VCAN: variants seen among roughly 807,000 people sequenced by gnomAD.
VCAN encodes the protein versican core protein.
A neutral mutation model predicts 245.5 loss-of-function variants in VCAN; 44 were observed. The observed-to-expected ratio is 0.18, with a 90% CI of 0.14 to 0.23. VCAN has a LOEUF of 0.23. Ranked by LOEUF, VCAN falls within the 10% of genes least tolerant of loss-of-function variation. The pLI is 1.00. For missense variants in VCAN, 3,793 were observed against 4,057.9 expected, an observed-to-expected ratio of 0.93 and a Z score of 1.77; for synonymous variants, 1,413 against 1,437.0, an observed-to-expected ratio of 0.98 and a Z score of 0.38.
intron 5 of VCAN, among the ~76,000 whole-genome samples, chr5:83,501,939 T>C (rs988801873): frequency 6.6e-6 from 1 of 152,202 alleles, no homozygotes; most frequent in African/African-American, 2.4e-5. Flanking sequence ...GTCTTTCTGC[T>C]ATTTTTTAGA....
chr5:83,513,490 A>G (rs948145816), intron 6 of VCAN, among the ~76,000 whole-genome samples: 1 of 152,214 alleles, frequency 6.6e-6, no homozygotes, highest in Non-Finnish European at 1.5e-5. Flanking sequence ...TAATGCAACC[A>G]AAAGGTTTGT....
intron 5 of VCAN, among the ~76,000 whole-genome samples, chr5:83,500,732 T>C (rs553124694): frequency 2.8e-4 from 43 of 152,266 alleles, no homozygotes; most frequent in African/African-American, 1.0e-3. Context: ...GCCAAGAAGA[T>C]AAAAAGTACC....
intron 6 of VCAN, chr5:83,512,838 G>GGT (rs1309224413): frequency 1.9e-5 from 3 of 157,094 alleles, no homozygotes; most frequent in Non-Finnish European, 4.2e-5. Flanking sequence ...AGTAATTACA[G>GGT]GTGAGTATTT....
chr5:83,521,481 G>T lies in VCAN; in HGVS notation c.3175G>T (p.Ala1059Ser). 6.2e-7 allele frequency: 1 copy of T among 1,614,066 alleles called. No individual in the cohort carries two copies. The highest frequency in any genetic ancestry group is 2.2e-5 in the East Asian group (1 of 44,872). The stretch of plus-strand genomic sequence containing the variant: ...TTCTACAGCTTGGACTCCCAAGGAG[G>T]CAGTAACACCACTGGATGAACAAGA... The part of the protein sequence containing the change: ...LSSTAWTPKE[A>S]VTPLDEQEGD... The change falls in exon 7 of 15, where the codon GCA becomes TCA. Residue 1059 changes from alanine (A) to serine (S), a missense_variant. Physicochemically the swap from Ala to Ser is moderately conservative, Grantham distance 99. Coordinates refer to ENST00000265077, the MANE Select transcript of VCAN (RefSeq NM_004385.5).
chr5:83,549,197 G>A (rs781160736), intron 10 of VCAN, among the ~76,000 whole-genome samples: 3 of 152,186 alleles, frequency 2.0e-5, no homozygotes, highest in Non-Finnish European at 4.4e-5. Context: ...AGTACAAGAA[G>A]CAATTCAAAA....
intron 13 of VCAN, among the ~76,000 whole-genome samples, chr5:83,577,755 A>G (rs1748534797): frequency 1.3e-5 from 2 of 152,176 alleles, no homozygotes. Context: ...TTATTTCTGT[A>G]TGAATACACA....
chr5:83,554,078 CTT>C (rs1747572725), intron 11 of VCAN, among the ~76,000 whole-genome samples: 1 of 152,200 alleles, frequency 6.6e-6, no homozygotes, highest in East Asian at 1.9e-4. Flanking sequence ...GCTAATGAAA[CTT>C]AATATCAGAG....
chr5:83,530,184 G>T lies in VCAN; in HGVS notation c.4004-6823G>T, dbSNP rs1273982032. On this transcript the variant is annotated intron_variant, in intron 7 of 14. Coordinates refer to ENST00000265077, the MANE Select transcript of VCAN (RefSeq NM_004385.5). Reference sequence around the variant, plus strand: ...TTTATTAGCTTTTTGCTTTTCCTCAGTTGTGAAAGTTGGGCTTATGATTTT... The same window carrying T: ...TTTATTAGCTTTTTGCTTTTCCTCATTTGTGAAAGTTGGGCTTATGATTTT... Among the ~76,000 whole-genome samples the T allele has an allele frequency of 7.9e-5, 12 of 152,010 alleles. 1 individual carries two copies. Among genetic ancestry groups the T allele is most frequent in the Admixed American group, 7.9e-4 (12 of 15,236 alleles).
chr5:83,537,490 G>A lies in VCAN; in HGVS notation c.4487G>A (p.Gly1496Asp), dbSNP rs374265946. The A allele has an allele frequency of 1.2e-6, 2 of 1,613,794 alleles. No homozygotes were observed. Among genetic ancestry groups the A allele is most frequent in the Non-Finnish European group, 1.7e-6 (2 of 1,179,948 alleles). ...YPETSEHFSG[G>D]EPDVFPTVPF... ...GAAACATCAGAACATTTTTCAGGTG[G>A]TGAGCCTGATGTTTTCCCCACAGTC... The change falls in exon 8 of 15, where the codon GGT (glycine) becomes GAT (aspartate). Residue 1496 changes from glycine to aspartate, a missense_variant. Physicochemically the swap from Gly to Asp is moderately conservative, Grantham distance 94 (BLOSUM62 -1). Coordinates refer to ENST00000265077, the MANE Select transcript of VCAN (RefSeq NM_004385.5).
chr5:83,511,965 C>A, intron 5 of VCAN, 138 bp from the exon 6 acceptor site: 1 of 1,047,196 alleles, frequency 9.5e-7, no homozygotes, highest in Non-Finnish European at 1.4e-6. Flanking sequence ...ATCTTTTCTG[C>A]TTTAAAGTAT....
Position 83,497,797 on chromosome 5 carries a change from C to T in VCAN, c.748+3866C>T, listed in dbSNP as rs541938699. On this transcript the variant is annotated intron_variant, in intron 5 of 14. Coordinates refer to ENST00000265077, the MANE Select transcript of VCAN (RefSeq NM_004385.5). ...GTAAAGGATCGGAATTATTTAAGAA[C>T]GAAATTAATAGACTGACTATTTATT... 7.9e-5 allele frequency among the ~76,000 whole-genome samples: 12 copies of T among 152,192 alleles called. No individual in the cohort carries two copies. In the South Asian group the frequency reaches 8.3e-4, roughly 11 times the overall value.
In VCAN at chr5:83,537,739, C is replaced by A. The variant is rs981857280; in HGVS notation, c.4736C>A (p.Ser1579Tyr). 1 of 1,614,002 alleles carries A rather than the reference C, an allele frequency of 6.2e-7. No individual in the cohort carries two copies. Among genetic ancestry groups the A allele is most frequent in the Non-Finnish European group, 8.5e-7 (1 of 1,179,966 alleles). ...GGTGAAGAGGTAGAAAAAAGTACTT[C>A]TGTCACATACACTCCCACTATAGTT... ...TFGEEVEKST[S>Y]VTYTPTIVPS... Residue 1579 changes from serine to tyrosine, a missense_variant, in exon 8 of 15, where the codon TCT becomes TAT. Physicochemically the swap from Ser to Tyr is moderately radical, Grantham distance 144. Coordinates refer to ENST00000265077, the MANE Select transcript of VCAN (RefSeq NM_004385.5).
chr5:83,580,201 A>AACAACT (rs1421323179), intron 14 of VCAN, 39 bp downstream of exon 14: 1 of 1,613,992 alleles, frequency 6.2e-7, no homozygotes, highest in Non-Finnish European at 8.5e-7. Context: ...ACCGTGCTAT[A>AACAACT]ACAACTACTA....
At chr5:83,475,936 C>T (rs1263311913) in intron 1 of VCAN, among the ~76,000 whole-genome samples, 1 of 152,174 alleles carries the variant, frequency 6.6e-6, no homozygotes, top group Non-Finnish European at 1.5e-5. Flanking sequence ...TGAAAGGAAT[C>T]CCCCTAGATT....
chr5:83,568,496 G>A, intron 12 of VCAN, among the ~76,000 whole-genome samples: 1 of 152,136 alleles, frequency 6.6e-6, no homozygotes. Context: ...TTTAACAGAG[G>A]CCTGAATCTG....
intron 2 of VCAN, among the ~76,000 whole-genome samples, chr5:83,486,771 A>G (rs1237963669): frequency 6.6e-6 from 1 of 152,220 alleles, no homozygotes; most frequent in South Asian, 2.1e-4. Flanking sequence ...TTGTAAATCC[A>G]TGATCACTAT....
Position 83,540,926 on chromosome 5 carries a change from T to C in VCAN, c.7923T>C (p.Asp2641=), listed in dbSNP as rs1346100663. The C allele has an allele frequency of 1.2e-6, 2 of 1,614,046 alleles. No homozygotes were observed. The highest frequency in any genetic ancestry group is 8.5e-7 in the Non-Finnish European group (1 of 1,179,980). Residue 2641 remains aspartate (D), a synonymous_variant, in exon 8 of 15, where the codon GAT becomes GAC. Coordinates refer to ENST00000265077, the MANE Select transcript of VCAN (RefSeq NM_004385.5). ...AGGAAACATTTGAGGGCTCTGCTGA[T>C]GTTCTGGCTAGCTACACTCAGGCAA... The part of the protein sequence containing the change: ...LTEETFEGSA[D]VLASYTQATH...
At chr5:83,532,698 A>G (rs1379032664) in intron 7 of VCAN, among the ~76,000 whole-genome samples, 1 of 152,062 alleles carries the variant, frequency 6.6e-6, no homozygotes, top group Non-Finnish European at 1.5e-5. Context: ...TGGGTAACAG[A>G]TCAACAACCT....
intron 6 of VCAN, among the ~76,000 whole-genome samples, chr5:83,514,370 TA>T (rs530999113): frequency 8.6e-4 from 130 of 152,012 alleles, no homozygotes; most frequent in Non-Finnish European, 1.4e-3. Context: ...AAACCACACA[TA>T]ATGCCAATAG....
Sources: gnomAD v4.1 joint callset for allele counts (sites outside exome capture counted in the v4.1 genomes callset) on GRCh38, gnomAD v4.1.1 for gene constraint, MANE v1.5 for transcripts, NCBI Gene and HGNC (gene_info 2026-07-23, HGNC 2026-07-21) for gene names.